The following FAT2 variants were observed in gnomAD, a reference collection of about 807,000 sequenced individuals.
The protein encoded by FAT2 is FAT atypical cadherin 2, also known as protocadherin Fat 2.
A neutral mutation model predicts 295.3 loss-of-function variants in FAT2; 150 were observed. The observed-to-expected ratio is 0.51, with a 90% CI of 0.44 to 0.58. The LOEUF (loss-of-function observed/expected upper bound fraction) is 0.58, where lower values mean the gene tolerates loss of function less well. Ranked by LOEUF, FAT2 falls within the 20% of genes least tolerant of loss-of-function variation. FAT2 has a pLI of 0.00. For synonymous variants in FAT2, 2,026 were observed against 2,150.3 expected (o/e 0.94, Z 1.60); for missense variants, 4,868 against 5,442.7 (o/e 0.89, Z 3.32).
At chr5:151,526,405 A>G (rs567228290) in intron 17 of FAT2, among the ~76,000 whole-genome samples, 1 of 152,350 alleles carries the variant, frequency 6.6e-6, no homozygotes, top group African/African-American at 2.4e-5. Context: ...TATGTATCTG[A>G]TAAGCACACT....
chr5:151,510,322 ATTGG>A, intron 21 of FAT2, 148 bp from the exon 22 acceptor site: 1 of 880,572 alleles, frequency 1.1e-6, no homozygotes, highest in Non-Finnish European at 1.7e-6. Flanking sequence ...CGTGCTGGGC[ATTGG>A]TGCCCTGCTG....
In FAT2 at chr5:151,531,982, A is replaced by G. The variant is rs765412454; in HGVS notation, c.9428-12T>C. 3 of 1,613,428 alleles carry G rather than the reference A, an allele frequency of 1.9e-6. No homozygotes were observed. The highest frequency in any genetic ancestry group is 2.5e-6 in the Non-Finnish European group (3 of 1,179,706). ...CTGGGCATTGGCGCCTGGCAGGGAG[A>G]CCAAGGGTGTGATCCACACTGAGGG... On this transcript the variant is annotated splice_polypyrimidine_tract_variant and intron_variant, in intron 13 of 23. Coordinates refer to ENST00000261800, the MANE Select transcript of FAT2 (RefSeq NM_001447.3). This position sits in a 1 kb window ranked among gnomAD's most constrained non-coding sequence, Gnocchi z 5.7.
rs747011618 is a variant in FAT2 at position 151,525,890 on chromosome 5, A to AG, written c.10383dup (p.Tyr3462LeufsTer26). On this transcript the variant is annotated frameshift_variant, in exon 18 of 24. Transcript: ENST00000261800. LOFTEE classifies it high-confidence loss of function. ...TTCCCCTTGGTGATTCGAAACGAGTAGGGGGGGCCATTCTCTGGAGAATCT... is the reference window on the plus strand; with the variant it reads ...TTCCCCTTGGTGATTCGAAACGAGTAGGGGGGGGCCATTCTCTGGAGAATCT... 10 of 1,613,854 alleles carry AG rather than the reference A, an allele frequency of 6.2e-6. No homozygotes were observed. Among genetic ancestry groups the AG allele is most frequent in the South Asian group, 3.3e-5 (3 of 91,074 alleles).
At chr5:151,524,697 C>T (rs1243046129) in intron 18 of FAT2, among the ~76,000 whole-genome samples, 1 of 152,192 alleles carries the variant, frequency 6.6e-6, no homozygotes, top group African/African-American at 2.4e-5. Context: ...CATGATCTAC[C>T]CAGCCTATCT....
Position 151,585,362 on chromosome 5 carries a change from A to G in FAT2, c.-21+5803T>C, listed in dbSNP as rs367838888. Among the ~76,000 whole-genome samples the G allele has an allele frequency of 9.2e-5, 14 of 152,378 alleles. No individual in the cohort carries two copies. In the East Asian group the frequency reaches 2.5e-3, roughly 27 times the overall value. On this transcript the variant is annotated intron_variant, in intron 1 of 23. Transcript: ENST00000261800. ...TGGCCAGGCTCATGCCTATAATCCCAGCACTTTGGGAGGCCAAGGCAGGTT... is the reference window on the plus strand; with the variant it reads ...TGGCCAGGCTCATGCCTATAATCCCGGCACTTTGGGAGGCCAAGGCAGGTT...
intron 19 of FAT2, among the ~76,000 whole-genome samples, chr5:151,518,417 T>G (rs1333603613): frequency 6.6e-6 from 1 of 151,440 alleles, no homozygotes; most frequent in Non-Finnish European, 1.5e-5. Flanking sequence ...ATGTAATGAA[T>G]CAAGTGTGTG....
intron 1 of FAT2, among the ~76,000 whole-genome samples, chr5:151,573,644 C>T (rs1182968520): frequency 6.6e-6 from 1 of 152,152 alleles, no homozygotes; most frequent in Non-Finnish European, 1.5e-5. Context: ...CAGAGCAGGA[C>T]TCCATCTCAA....
At chr5:151,584,407 C>A (rs1321522209) in intron 1 of FAT2, among the ~76,000 whole-genome samples, 1 of 152,132 alleles carries the variant, frequency 6.6e-6, no homozygotes, top group African/African-American at 2.4e-5. Flanking sequence ...ATATTCTGGT[C>A]CGTTTTCTTA....
rs1207514256 is a variant in FAT2 at position 151,543,596 on chromosome 5, C to A, written c.7531G>T (p.Gly2511Cys). 1.2e-6 allele frequency: 2 copies of A among 1,614,140 alleles called. No individual in the cohort carries two copies. Among genetic ancestry groups the A allele is most frequent in the Admixed American group, 3.3e-5 (2 of 60,028 alleles). Residue 2511 changes from glycine (G) to cysteine (C), a missense_variant, in exon 10 of 24, where the codon GGT (glycine) becomes TGT (cysteine). By Grantham distance (159) the Gly-to-Cys change is radical. Coordinates refer to ENST00000261800, the MANE Select transcript of FAT2 (RefSeq NM_001447.3). ...IDLLAIDKDS[G>C]PYGTIDYTII... ...GTATAATCTATAGTGCCATAGGGAC[C>A]ACTATCTTTGTCTATGGCTAGCAAA... is the stretch of plus-strand genomic sequence containing the variant.
chr5:151,564,223 C>T (rs1285807274), intron 2 of FAT2, among the ~76,000 whole-genome samples: 1 of 152,202 alleles, frequency 6.6e-6, no homozygotes, highest in African/African-American at 2.4e-5. Context: ...AAGCTTACAC[C>T]TGAAGTTCTC....
At chr5:151,582,212 C>T (rs1758985756) in intron 1 of FAT2, among the ~76,000 whole-genome samples, 1 of 152,218 alleles carries the variant, frequency 6.6e-6, no homozygotes, top group Admixed American at 6.5e-5. Flanking sequence ...GCAAATGAGC[C>T]TCTGCCGGTG....
chr5:151,519,407 A>G (rs1306781350), intron 19 of FAT2, among the ~76,000 whole-genome samples: 1 of 152,212 alleles, frequency 6.6e-6, no homozygotes, highest in Non-Finnish European at 1.5e-5. Flanking sequence ...CCATTGTAGT[A>G]GGTACTTATT....
intron 22 of FAT2, 55 bp from the exon 23 acceptor site, chr5:151,507,666 C>T: frequency 6.8e-7 from 1 of 1,479,582 alleles, no homozygotes. Flanking sequence ...TTTCCATGTC[C>T]CCTCTTACAG....
chr5:151,571,109 GA>G (rs1412262896), intron 1 of FAT2, among the ~76,000 whole-genome samples: 2 of 152,090 alleles, frequency 1.3e-5, no homozygotes, highest in African/African-American at 4.8e-5. Context: ...GTTAGTGGCA[GA>G]AAGAGCTGCT....
rs1554131128 is a variant in FAT2 at position 151,551,976 on chromosome 5, G to GGGGT, written c.4157-371_4157-370insACCC. On this transcript the variant is annotated intron_variant, in intron 6 of 23. Coordinates refer to ENST00000261800, the MANE Select transcript of FAT2 (RefSeq NM_001447.3). ...AACAATACTTTAATATAACCCTAAGGGTGTGTGTGTGTGTGTGTGTGTGTG... is the reference window on the plus strand; with the variant it reads ...AACAATACTTTAATATAACCCTAAGGGGGTGTGTGTGTGTGTGTGTGTGTGTGTG... 8.7e-4 allele frequency among the ~76,000 whole-genome samples: 125 copies of GGGGT among 143,648 alleles called. 1 individual carries two copies. Among genetic ancestry groups the GGGGT allele is most frequent in the African/African-American group, 2.4e-3 (93 of 38,872 alleles). The allele number at this position is 143,648 out of a possible 152,430, so 94.2% of individuals were successfully genotyped here.
chr5:151,574,738 G>T (rs1429278769), intron 1 of FAT2, among the ~76,000 whole-genome samples: 1 of 152,210 alleles, frequency 6.6e-6, no homozygotes, highest in Non-Finnish European at 1.5e-5. Context: ...ATTCACTGAG[G>T]GTAGAGAGAC....
chr5:151,550,700 C>G lies in FAT2; in HGVS notation c.4468G>C (p.Asp1490His). 6.2e-7 allele frequency: 1 copy of G among 1,614,164 alleles called. No homozygotes were observed. Among genetic ancestry groups the G allele is most frequent in the Non-Finnish European group, 8.5e-7 (1 of 1,180,030 alleles). Residue 1490 changes from aspartate to histidine, a missense_variant, in exon 8 of 24, where the codon GAC (aspartate) becomes CAC (histidine). Around this residue, in one of 5 missense-constraint regions of FAT2, gnomAD observed 3,297 missense variants for 3,669.4 expected, o/e 0.90. Coordinates refer to ENST00000261800, the MANE Select transcript of FAT2 (RefSeq NM_001447.3). ...TGGAAGAGGCTGGCACTTCCTGGGT[C>G]TTGGCTGCCATGTATGGTATAGATG... Reference protein sequence around the residue: ...SLIYTIHGSQDPGSASLFQLD... With the variant: ...SLIYTIHGSQHPGSASLFQLD...
At chr5:151,582,287 C>A (rs779374078) in intron 1 of FAT2, among the ~76,000 whole-genome samples, 8 of 152,236 alleles carry the variant, frequency 5.3e-5, no homozygotes, top group Non-Finnish European at 1.0e-4. Context: ...CACACACCGA[C>A]TTTTCTTAGC....
intron 1 of FAT2, among the ~76,000 whole-genome samples, chr5:151,575,671 A>G (rs1357303249): frequency 6.6e-6 from 1 of 152,218 alleles, no homozygotes; most frequent in South Asian, 2.1e-4. Flanking sequence ...GACTGTGCCC[A>G]GGTTCACTCG....
Sources: allele counts gnomAD v4.1 joint callset (sites outside exome capture counted in the v4.1 genomes callset), GRCh38; gene constraint gnomAD v4.1.1; regional missense constraint gnomAD v4.1.1; non-coding constraint Gnocchi (gnomAD v3.1); transcripts MANE v1.5; gene names NCBI Gene and HGNC (gene_info 2026-07-23, HGNC 2026-07-21).